The following ESR1 variants were observed in gnomAD, a reference collection of about 807,000 sequenced individuals.
ESR1 encodes the protein estrogen receptor 1, also known as estrogen receptor.
ESR1 carries 12 observed loss-of-function variants against 52.7 expected under a neutral mutation model. That is an observed-to-expected ratio of 0.23 (90% CI 0.15 to 0.37). The LOEUF (loss-of-function observed/expected upper bound fraction) is 0.37. Among genes scored for constraint, ESR1 ranks in the 10% least tolerant of loss-of-function variants. ESR1 has a pLI of 1.00. For missense variants in ESR1, 584 were observed against 779.7 expected (o/e 0.75, Z 2.99); for synonymous variants, 305 against 316.8 (o/e 0.96, Z 0.39).
chr6:151,697,270 C>T, intron 1 of ESR1, among the ~76,000 whole-genome samples: 1 of 152,110 alleles, frequency 6.6e-6, no homozygotes, highest in Non-Finnish European at 1.5e-5. Context: ...TTTTTGCAAT[C>T]ATGATTGTTT....
intron 2 of ESR1, among the ~76,000 whole-genome samples, chr6:151,782,849 C>A (rs77116014): frequency 0.07 from 10,667 of 152,210 alleles, 521 homozygotes; most frequent in Non-Finnish European, 0.086. Context: ...TCCTCCGCCA[C>A]ATCCATGCTC....
chr6:151,936,009 C>T (rs1042810590), intron 3 of ESR1: 11 of 152,156 alleles, frequency 7.2e-5, no homozygotes, highest in African/African-American at 2.7e-4. Flanking sequence ...CCTTGGGAAC[C>T]TGCTCCTACA....
rs527602700 is a variant in ESR1, at chr6:151,796,318, G to A, written c.-70-11525G>A. On this transcript the variant is annotated intron_variant, in intron 2 of 2. Transcript: ENST00000404742. ...TGTTACTATCTGGGTCTTTTAAAAA[G>A]GGGTGTGGAAGAATGTGTGTGTGTG... 1.1e-4 allele frequency among the ~76,000 whole-genome samples: 17 copies of A among 152,224 alleles called. No individual in the cohort carries two copies. In the East Asian group the frequency reaches 3.3e-3, roughly 29 times the overall value.
At chr6:152,069,170 T>G (rs1005248504) in intron 6 of ESR1, among the ~76,000 whole-genome samples, 9 of 136,804 alleles carry the variant, frequency 6.6e-5, no homozygotes, top group Admixed American at 5.4e-4. Context: ...GAAGGAAACC[T>G]TAAATCCACC....
chr6:151,783,667 A>G (rs887895967), intron 2 of ESR1, among the ~76,000 whole-genome samples: 1 of 152,240 alleles, frequency 6.6e-6, no homozygotes, highest in Non-Finnish European at 1.5e-5. Flanking sequence ...CAGCTCCCGT[A>G]TTAGTAACTA....
chr6:151,685,021 T>C (rs1358590952), intron 1 of ESR1, among the ~76,000 whole-genome samples: 2 of 151,432 alleles, frequency 1.3e-5, no homozygotes, highest in Non-Finnish European at 2.9e-5. Flanking sequence ...TTCACTAAAA[T>C]TCCGGAGTTT....
intron 4 of ESR1, among the ~76,000 whole-genome samples, chr6:151,945,608 T>A (rs181872054): frequency 6.6e-6 from 1 of 152,336 alleles, no homozygotes; most frequent in Non-Finnish European, 1.5e-5. Flanking sequence ...AAGCTAAATT[T>A]TTTTTCTGGG....
At chr6:152,076,445 G>A (rs2048740729) in intron 6 of ESR1, among the ~76,000 whole-genome samples, 1 of 152,130 alleles carries the variant, frequency 6.6e-6, no homozygotes, top group African/African-American at 2.4e-5. Context: ...CACGAAAATG[G>A]ACTAATACAG....
At position 151,669,147 on chromosome 6, in the gene ESR1, G is replaced by GGAGAGAGAGAGAGAGAGAGA. The variant is rs541895194; in HGVS notation, n.73+12407_73+12426dup. Among the ~76,000 whole-genome samples the GGAGAGAGAGAGAGAGAGAGA allele has an allele frequency of 4.0e-4, 28 of 69,290 alleles. 1 individual carries two copies. The highest frequency in any genetic ancestry group is 1.8e-3 in the African/African-American group (22 of 11,966). The allele number at this position is 69,290 out of a possible 152,430, so 45.5% of individuals were successfully genotyped here. On this transcript the variant is annotated intron_variant and non_coding_transcript_variant, in intron 1 of 2. Coordinates refer to the ESR1 transcript ENST00000473497. ...GTGGTAGGAAGCTCTTTGGGAGCTG[G>GGAGAGAGAGAGAGAGAGAGA]GAGAGAGAGAGAGAGAGAGAGAGAG...
intron 4 of ESR1, among the ~76,000 whole-genome samples, chr6:151,958,702 C>T (rs779373848): frequency 1.6e-4 from 24 of 152,132 alleles, no homozygotes; most frequent in Non-Finnish European, 3.5e-4. Context: ...ACTCATTTAC[C>T]TCTAAGAACA....
intron 2 of ESR1, among the ~76,000 whole-genome samples, chr6:151,866,981 T>C (rs1299810571): frequency 6.6e-6 from 1 of 152,176 alleles, no homozygotes; most frequent in African/African-American, 2.4e-5. Flanking sequence ...AACCCTCTGA[T>C]CTTTGATAAA....
intron 4 of ESR1, among the ~76,000 whole-genome samples, chr6:151,946,841 A>G (rs2035756540): frequency 6.6e-6 from 1 of 152,208 alleles, no homozygotes; most frequent in Non-Finnish European, 1.5e-5. Flanking sequence ...AAAGCTCTAC[A>G]GATGGTTGTC....
upstream of ESR1, among the ~76,000 whole-genome samples, chr6:151,688,013 T>C (rs910291983): frequency 5.3e-5 from 8 of 152,204 alleles, no homozygotes; most frequent in African/African-American, 1.9e-4. Flanking sequence ...TGTTTTCTTC[T>C]TTTTTAATTG....
rs558900593 is a variant in ESR1, at chr6:151,818,938, TG to T, written c.452+10575del. 2.6e-3 allele frequency among the ~76,000 whole-genome samples: 396 copies of T among 152,270 alleles called. 1 individual carries two copies. The highest frequency in any genetic ancestry group is 0.01 in the Middle Eastern group (3 of 294). On this transcript the variant is annotated intron_variant, in intron 1 of 7. Transcript: ENST00000206249. ...GACCTCAGGCCAGTCAGAGAAAACATGTATGTTCCATGGTGTGGCAATCAAG... is the reference window on the plus strand; with the variant it reads ...GACCTCAGGCCAGTCAGAGAAAACATTATGTTCCATGGTGTGGCAATCAAG...
rs186309700 is a variant in ESR1, at chr6:151,856,615, C to T, written c.643+13828C>T. Among the ~76,000 whole-genome samples, 237 of 152,210 alleles carry T rather than the reference C, an allele frequency of 1.6e-3. 2 individuals carry two copies. The highest frequency in any genetic ancestry group is 6.3e-3 in the Admixed American group (96 of 15,282). Reference sequence around the variant, plus strand: ...CGTGTTTGGAAGATTCAGTTCCTCTCGCCTTCTTTCTCCCTATATAATACT... The same window carrying T: ...CGTGTTTGGAAGATTCAGTTCCTCTTGCCTTCTTTCTCCCTATATAATACT... On this transcript the variant is annotated intron_variant, in intron 2 of 7. Coordinates refer to ENST00000206249, the MANE Select transcript of ESR1 (RefSeq NM_000125.4).
chr6:151,887,380 T>A (rs1193281344), intron 3 of ESR1, among the ~76,000 whole-genome samples: 1 of 152,098 alleles, frequency 6.6e-6, no homozygotes, highest in African/African-American at 2.4e-5. Context: ...CATATTATAA[T>A]TTTTTATTTG....
chr6:152,123,638 A>G (rs1440178926), intron 6 of ESR1, among the ~76,000 whole-genome samples: 3 of 152,188 alleles, frequency 2.0e-5, no homozygotes, highest in Non-Finnish European at 4.4e-5. Context: ...ATGAAGAAAG[A>G]AATGTTGTTT....
Position 151,765,509 on chromosome 6 carries a change from A to T in ESR1, c.-70-42334A>T, listed in dbSNP as rs114353192. Among the ~76,000 whole-genome samples, 367 of 152,322 alleles carry T rather than the reference A, an allele frequency of 2.4e-3. 1 individual carries two copies. The highest frequency in any genetic ancestry group is 8.4e-3 in the African/African-American group (349 of 41,576). On this transcript the variant is annotated intron_variant, in intron 2 of 2. Transcript: ENST00000404742. ...GGAATAAAAATTTTAAAGTGGACAC[A>T]TTGTGTTACTCTCGTTAGCCATGCT...
At chr6:152,092,778 C>T (rs1051081483) in intron 6 of ESR1, among the ~76,000 whole-genome samples, 2 of 152,168 alleles carry the variant, frequency 1.3e-5, no homozygotes, top group Non-Finnish European at 2.9e-5. Context: ...CCATCCTGCC[C>T]ATCTCTTGTT....
Sources: gnomAD v4.1 joint callset for allele counts (sites outside exome capture counted in the v4.1 genomes callset) on GRCh38, gnomAD v4.1.1 for gene constraint, MANE v1.5 for transcripts, NCBI Gene and HGNC (gene_info 2026-07-23, HGNC 2026-07-21) for gene names.